The following ACTR3 variants were observed in gnomAD, a reference collection of about 807,000 sequenced individuals.
ACTR3 encodes actin-related protein 3.
A neutral mutation model predicts 56.8 loss-of-function variants in ACTR3; 12 were observed. That is an observed-to-expected ratio of 0.21 (90% CI 0.14 to 0.34). The LOEUF is 0.34. ACTR3 is among the 10% of genes least tolerant of loss of function. The pLI is 1.00. For synonymous variants in ACTR3, 162 were observed against 167.4 expected (o/e 0.97, Z 0.25); for missense variants, 282 against 512.5 (o/e 0.55, Z 4.34).
intron 3 of ACTR3, among the ~76,000 whole-genome samples, chr2:113,920,515 G>A (rs1679487859): frequency 6.6e-6 from 1 of 152,248 alleles, no homozygotes; most frequent in Admixed American, 6.5e-5. Flanking sequence ...AGAATTCTCT[G>A]TTCTAACTAT....
chr2:113,927,633 T>C lies in ACTR3; in HGVS notation c.336+178T>C, dbSNP rs1179513175. Among the ~76,000 whole-genome samples the C allele has an allele frequency of 2.0e-5, 3 of 152,188 alleles. No homozygotes were observed. In the East Asian group the frequency reaches 5.8e-4, roughly 29 times the overall value. Reference sequence around the variant, plus strand: ...TTATGGCTACAGGAGAATAGTAGTATGTCAAAGCACCACATGTTAAACACT... The same window carrying C: ...TTATGGCTACAGGAGAATAGTAGTACGTCAAAGCACCACATGTTAAACACT... On this transcript the variant is annotated intron_variant, in intron 4 of 11. Coordinates refer to ENST00000263238, the MANE Select transcript of ACTR3 (RefSeq NM_005721.5).
chr2:113,939,813 A>G (rs1679893126), intron 6 of ACTR3, 146 bp from the exon 7 acceptor site: 1 of 569,772 alleles, frequency 1.8e-6, no homozygotes, highest in South Asian at 4.8e-5. Flanking sequence ...GTTTCTGAGG[A>G]ATAAAGGTAA....
At chr2:113,894,532 C>G (rs1049173433) in intron 1 of ACTR3, among the ~76,000 whole-genome samples, 12 of 152,222 alleles carry the variant, frequency 7.9e-5, no homozygotes, top group African/African-American at 2.7e-4. Context: ...CAGACATGCT[C>G]CTAGTGAGAA....
intron 1 of ACTR3, among the ~76,000 whole-genome samples, chr2:113,894,823 A>G (rs1334704614): frequency 6.6e-6 from 1 of 152,234 alleles, no homozygotes; most frequent in East Asian, 1.9e-4. Context: ...TCTACCTGGC[A>G]GGTGGTTCGA....
intron 1 of ACTR3, among the ~76,000 whole-genome samples, chr2:113,903,418 G>A (rs1194365219): frequency 6.6e-6 from 1 of 152,174 alleles, no homozygotes; most frequent in African/African-American, 2.4e-5. Flanking sequence ...CCAGGCTGGA[G>A]TGCAGTGGCG....
Position 113,913,242 on chromosome 2 carries a change from T to G in ACTR3, c.100+15T>G. The G allele has an allele frequency of 6.4e-7, 1 of 1,566,460 alleles. No homozygotes were observed. Among genetic ancestry groups the G allele is most frequent in the Non-Finnish European group, 8.7e-7 (1 of 1,151,440 alleles). On this transcript the variant is annotated intron_variant, in intron 2 of 11. Coordinates refer to ENST00000263238, the MANE Select transcript of ACTR3 (RefSeq NM_005721.5). ...CATCCCTTCCTGTAAGTATTTCTTTTAAGCCACAAATGAGCTGATTTAAAA... is the reference window on the plus strand; with the variant it reads ...CATCCCTTCCTGTAAGTATTTCTTTGAAGCCACAAATGAGCTGATTTAAAA...
rs149187776 is a variant in ACTR3 at position 113,959,285 on chromosome 2, G to T, written c.*1830G>T. 1 of 151,878 alleles carries T rather than the reference G, an allele frequency of 6.6e-6. No homozygotes were observed. The highest frequency in any genetic ancestry group is 1.5e-5 in the Non-Finnish European group (1 of 67,880). The allele number at this position is 151,878 out of a possible 1,614,324, so 9.4% of individuals were successfully genotyped here. A position where few individuals can be genotyped will look rare whatever the true frequency, so the allele number is the denominator to read the frequency against. ...CAAATAGGAACTTACTGTATATACT[G>T]TTCTGCACTTTGCTTTTATTAAAGA... On this transcript the variant is annotated 3_prime_UTR_variant, in exon 12 of 12. Coordinates refer to ENST00000263238, the MANE Select transcript of ACTR3 (RefSeq NM_005721.5).
At chr2:113,912,056 A>G (rs1679317151) in intron 1 of ACTR3, among the ~76,000 whole-genome samples, 1 of 151,984 alleles carries the variant, frequency 6.6e-6, no homozygotes, top group Non-Finnish European at 1.5e-5. Flanking sequence ...CTATAGTTTT[A>G]GTAGCGAGGG....
intron 1 of ACTR3, among the ~76,000 whole-genome samples, chr2:113,910,370 TTATCTG>T (rs1679285337): frequency 6.6e-6 from 1 of 152,212 alleles, no homozygotes; most frequent in Non-Finnish European, 1.5e-5. Flanking sequence ...GTGTGTGTCT[TTATCTG>T]TATGCTTTGC....
intron 3 of ACTR3, among the ~76,000 whole-genome samples, chr2:113,918,933 G>A (rs963825879): frequency 2.0e-5 from 3 of 152,166 alleles, no homozygotes; most frequent in Non-Finnish European, 4.4e-5. Context: ...TGGAAATTGT[G>A]TAAGTGCAAT....
chr2:113,931,260 A>C, intron 4 of ACTR3, 41 bp from the exon 5 acceptor site: 1 of 1,202,980 alleles, frequency 8.3e-7, no homozygotes, highest in Non-Finnish European at 1.2e-6. Flanking sequence ...TTATCAAAAT[A>C]ATCTGATATT....
At chr2:113,953,673 T>C (rs1680159854) in intron 10 of ACTR3, 1 of 146,690 alleles carries the variant, frequency 6.8e-6, no homozygotes, top group Non-Finnish European at 1.5e-5. Flanking sequence ...TCTGTTTCTA[T>C]AAATAGGTGT....
In ACTR3 at chr2:113,959,953, C is replaced by G. The variant is rs1680296480; in HGVS notation, c.*2498C>G. 1 of 151,888 alleles carries G rather than the reference C, an allele frequency of 6.6e-6. No individual in the cohort carries two copies. 9.4% of individuals were successfully genotyped at this position (151,888 alleles called of 1,614,324 possible). A position where few individuals can be genotyped will look rare whatever the true frequency, so the allele number is the denominator to read the frequency against. The stretch of plus-strand genomic sequence containing the variant: ...TATTTGAACTCTCTGGACCTTGATT[C>G]AATTTATATATAAGGTAAAGGCATT... On this transcript the variant is annotated 3_prime_UTR_variant, in exon 12 of 12. Transcript: ENST00000263238.
chr2:113,924,887 C>CTATTTATT (rs139963909), intron 3 of ACTR3, among the ~76,000 whole-genome samples: 3,578 of 150,022 alleles, frequency 0.024, 62 homozygotes, highest in Non-Finnish European at 0.036. Flanking sequence ...ATTCAAGGAA[C>CTATTTATT]TATTTATTTA....
chr2:113,918,676 C>T (rs1344656878), intron 3 of ACTR3, among the ~76,000 whole-genome samples: 3 of 152,080 alleles, frequency 2.0e-5, no homozygotes. Context: ...TGAGTTACCA[C>T]GCCTGGGCCA....
intron 3 of ACTR3, among the ~76,000 whole-genome samples, chr2:113,922,483 T>C (rs1419458924): frequency 6.6e-6 from 1 of 152,196 alleles, no homozygotes; most frequent in Non-Finnish European, 1.5e-5. Context: ...GGTGGCATCA[T>C]CTGCTGGTCA....
intron 7 of ACTR3, among the ~76,000 whole-genome samples, chr2:113,940,810 A>T (rs889275473): frequency 1.7e-4 from 23 of 133,858 alleles, no homozygotes; most frequent in African/African-American, 3.4e-4. Flanking sequence ...TTAATTTCTT[A>T]TTTTTATTGA....
chr2:113,940,181 G>A, intron 7 of ACTR3, 79 bp downstream of exon 7: 1 of 1,223,790 alleles, frequency 8.2e-7, no homozygotes, highest in South Asian at 1.5e-5. Flanking sequence ...ATTTTTAATA[G>A]AAGAAGAGTA....
At position 113,931,394 on chromosome 2, in the gene ACTR3, CA is replaced by C; in HGVS notation, c.431del (p.Gln144ArgfsTer6). On this transcript the variant is annotated frameshift_variant and splice_region_variant, in exon 5 of 12. Coordinates refer to ENST00000263238, the MANE Select transcript of ACTR3 (RefSeq NM_005721.5). LOFTEE classifies it high-confidence loss of function. ...TGTTCCAGGCTTGTACATTGCTGTGCAGGTAAGCAAGTTCATACTTTCTAAG... is the reference window on the plus strand; with the variant it reads ...TGTTCCAGGCTTGTACATTGCTGTGCGGTAAGCAAGTTCATACTTTCTAAG... ...FNVPGLYIAVQAVLALAASWT... is the reference protein window; with the variant it reads ...FNVPGLYIAVXAVLALAASWT... The C allele has an allele frequency of 6.4e-7, 1 of 1,564,754 alleles. No individual in the cohort carries two copies. Among genetic ancestry groups the C allele is most frequent in the Admixed American group, 1.9e-5 (1 of 52,300 alleles).
Sources: gnomAD v4.1 joint callset for allele counts (sites outside exome capture counted in the v4.1 genomes callset) on GRCh38, gnomAD v4.1.1 for gene constraint, MANE v1.5 for transcripts, NCBI Gene and HGNC (gene_info 2026-07-23, HGNC 2026-07-21) for gene names.